The following KAZN variants were observed in gnomAD, a reference collection of about 807,000 sequenced individuals.
KAZN encodes the protein kazrin, periplakin interacting protein.
Under a neutral mutation model 87.4 loss-of-function variants are expected in KAZN, and 40 were observed. That is an observed-to-expected ratio of 0.46 (90% CI 0.36 to 0.60). The LOEUF (loss-of-function observed/expected upper bound fraction) is 0.60, where lower values mean the gene tolerates loss of function less well. KAZN is among the 20% of genes least tolerant of loss of function. The pLI is 0.00. For missense variants in KAZN, 898 were observed against 1,073.9 expected (o/e 0.84, Z 2.29); for synonymous variants, 466 against 458.3 (o/e 1.02, Z -0.22).
intron 2 of KAZN, among the ~76,000 whole-genome samples, chr1:14,529,884 G>A (rs2148478683): frequency 6.6e-6 from 1 of 152,318 alleles, no homozygotes; most frequent in Non-Finnish European, 1.5e-5. Flanking sequence ...TGGACCAGGG[G>A]CTGCTTATGG....
intron 2 of KAZN, among the ~76,000 whole-genome samples, chr1:14,304,075 T>G (rs1212575473): frequency 6.6e-6 from 1 of 152,226 alleles, no homozygotes; most frequent in Non-Finnish European, 1.5e-5. Flanking sequence ...TCTTGCCATT[T>G]GGAAATCACA....
At chr1:14,235,825 C>T (rs1266354729) in intron 2 of KAZN, among the ~76,000 whole-genome samples, 3 of 152,148 alleles carry the variant, frequency 2.0e-5, no homozygotes, top group Non-Finnish European at 4.4e-5. Flanking sequence ...GGCTTTATTG[C>T]TGGAAACAGC....
At chr1:14,805,167 A>G (rs527418972) in intron 1 of KAZN, among the ~76,000 whole-genome samples, 4 of 152,208 alleles carry the variant, frequency 2.6e-5, no homozygotes, top group African/African-American at 9.6e-5. Context: ...AACAAGCTAC[A>G]AGGGTGTTTT....
At chr1:14,324,632 T>C (rs1385584846) in intron 2 of KAZN, among the ~76,000 whole-genome samples, 1 of 152,182 alleles carries the variant, frequency 6.6e-6, no homozygotes. Flanking sequence ...AAGGGTGTTA[T>C]GGAGTGCCAT....
intron 1 of KAZN, among the ~76,000 whole-genome samples, chr1:14,076,893 C>T (rs964272419): frequency 1.3e-5 from 2 of 152,142 alleles, no homozygotes; most frequent in East Asian, 1.9e-4. Flanking sequence ...AATGGCTGAG[C>T]GTGGAACTAA....
chr1:14,797,145 C>T (rs1300308575), intron 1 of KAZN, among the ~76,000 whole-genome samples: 3 of 151,862 alleles, frequency 2.0e-5, no homozygotes, highest in Non-Finnish European at 4.4e-5. Context: ...ACTGCAGCCT[C>T]CGCCTCCTGG....
At chr1:14,004,561 A>G (rs61777679) in intron 1 of KAZN, among the ~76,000 whole-genome samples, 1 of 152,114 alleles carries the variant, frequency 6.6e-6, no homozygotes, top group Non-Finnish European at 1.5e-5. Flanking sequence ...TGGGGTGCTT[A>G]GTGACTAGAA....
intron 1 of KAZN, among the ~76,000 whole-genome samples, chr1:14,113,700 C>T (rs569890939): frequency 1.4e-4 from 22 of 152,314 alleles, no homozygotes; most frequent in Admixed American, 6.5e-4. Flanking sequence ...TTCCTGACCA[C>T]GGTGCTGGGG....
chr1:14,656,445 C>T (rs1261235885), intron 1 of KAZN, among the ~76,000 whole-genome samples: 1 of 152,190 alleles, frequency 6.6e-6, no homozygotes, highest in Non-Finnish European at 1.5e-5. Context: ...CAACAATTGC[C>T]ACCCAGTTTT....
chr1:14,557,697 T>G (rs1571929814), intron 2 of KAZN, among the ~76,000 whole-genome samples: 2 of 125,200 alleles, frequency 1.6e-5, no homozygotes. Flanking sequence ...GAGAGAGAGA[T>G]TTGTTGTAAG....
chr1:14,667,887 C>T (rs1572178511), intron 1 of KAZN, among the ~76,000 whole-genome samples: 1 of 152,070 alleles, frequency 6.6e-6, no homozygotes, highest in Non-Finnish European at 1.5e-5. Context: ...TCAAATCGCT[C>T]CTTGAAGCCA....
chr1:14,784,485 A>G (rs1645445852), intron 1 of KAZN, among the ~76,000 whole-genome samples: 1 of 152,152 alleles, frequency 6.6e-6, no homozygotes, highest in South Asian at 2.1e-4. Context: ...AGGGCCGGGC[A>G]TGGCAGCTCA....
At chr1:14,943,910 A>G (rs934178499) in intron 1 of KAZN, among the ~76,000 whole-genome samples, 3 of 152,164 alleles carry the variant, frequency 2.0e-5, no homozygotes, top group African/African-American at 7.2e-5. Context: ...TGTCTCTACT[A>G]AAAATACAAA....
intron 1 of KAZN, among the ~76,000 whole-genome samples, chr1:14,091,283 C>T (rs1643987218): frequency 6.6e-6 from 1 of 152,206 alleles, no homozygotes; most frequent in Non-Finnish European, 1.5e-5. Context: ...TTCCCTCTCA[C>T]TGCATCTTGG....
In KAZN at chr1:15,094,786, C is replaced by A; in HGVS notation, c.1429-29C>A. On this transcript the variant is annotated intron_variant, in intron 9 of 14. Coordinates refer to ENST00000376030, the MANE Select transcript of KAZN (RefSeq NM_201628.3). The surrounding 1 kb of genome is among the most constrained non-coding windows in gnomAD (Gnocchi z 4.5). The stretch of plus-strand genomic sequence containing the variant: ...GAACCCCGCCGGCAGCTGTCCCAGC[C>A]CCCATATGACACTCCCTCCCGGGGG... 1 of 1,506,074 alleles carries A rather than the reference C, an allele frequency of 6.6e-7. No homozygotes were observed. The highest frequency in any genetic ancestry group is 9.0e-7 in the Non-Finnish European group (1 of 1,108,102). The allele number at this position is 1,506,074 out of a possible 1,614,324, so 93.3% of individuals were successfully genotyped here.
rs1336985950 is a variant in KAZN at position 14,923,847 on chromosome 1, T to G, written c.227-36837T>G. 1.3e-5 allele frequency among the ~76,000 whole-genome samples: 2 copies of G among 152,078 alleles called. No homozygotes were observed. Among genetic ancestry groups the G allele is most frequent in the African/African-American group, 4.8e-5 (2 of 41,412 alleles). ...AGGAGAGAGACACAGCAAAGTGGGG[T>G]GCCAGGCAGAGGCCAGGGGCTTTCA... is the stretch of plus-strand genomic sequence containing the variant. On this transcript the variant is annotated intron_variant, in intron 1 of 14. Coordinates refer to ENST00000376030, the MANE Select transcript of KAZN (RefSeq NM_201628.3). The surrounding 1 kb of genome is among the most constrained non-coding windows in gnomAD (Gnocchi z 4.2).
chr1:14,595,066 C>T (rs1223095286), upstream of KAZN, among the ~76,000 whole-genome samples: 4 of 151,954 alleles, frequency 2.6e-5, no homozygotes, highest in Admixed American at 2.0e-4. Flanking sequence ...ATTGCTTGAA[C>T]CCGGGAGGCA....
intron 1 of KAZN, among the ~76,000 whole-genome samples, chr1:14,152,127 G>A (rs1199311996): frequency 6.6e-6 from 1 of 152,118 alleles, no homozygotes; most frequent in African/African-American, 2.4e-5. Context: ...CCATATATGG[G>A]TAAATGGGGC....
rs1337742765 is a variant in KAZN, at chr1:14,053,971, C to T, written c.92-126464C>T. On this transcript the variant is annotated intron_variant, in intron 1 of 16. Coordinates refer to the KAZN transcript ENST00000636203. ...ATAAGGAAGAGGAAATAGATTGACT[C>T]TTTATTAAGTGGAAGTGAATCATCA... Among the ~76,000 whole-genome samples the T allele has an allele frequency of 3.9e-5, 6 of 152,078 alleles. No homozygotes were observed. In the East Asian group the frequency reaches 1.2e-3, roughly 29 times the overall value.
Sources: gnomAD v4.1 joint callset for allele counts (sites outside exome capture counted in the v4.1 genomes callset) on GRCh38, gnomAD v4.1.1 for gene constraint, Gnocchi (gnomAD v3.1) non-coding constraint, MANE v1.5 for transcripts, NCBI Gene and HGNC (gene_info 2026-07-23, HGNC 2026-07-21) for gene names.